Variants in EXOC2 observed in about 807,000 individuals in gnomAD.
EXOC2 encodes the protein exocyst complex component 2.
Under a neutral mutation model 131.8 loss-of-function variants are expected in EXOC2, and 70 were observed. The ratio of observed to expected loss-of-function variants is 0.53; its 90% CI spans 0.44 to 0.65. The LOEUF is 0.65. Ranked by LOEUF, EXOC2 falls within the 30% of genes least tolerant of loss-of-function variation. The pLI is 0.00. For synonymous variants in EXOC2, 411 were observed against 398.4 expected (o/e 1.03, Z -0.38); for missense variants, 923 against 1,108.6 (o/e 0.83, Z 2.38).
chr6:598,879 C>T lies in EXOC2; in HGVS notation c.951G>A (p.Glu317=), dbSNP rs764578381. 1 of 1,611,140 alleles carries T rather than the reference C, an allele frequency of 6.2e-7. No homozygotes were observed. Among genetic ancestry groups the T allele is most frequent in the South Asian group, 1.1e-5 (1 of 89,946 alleles). ...EKAKSLFGKT[E]VQVFKKYYAE... is the part of the protein sequence containing the mutation. ...TCTTACATTTCTTGAAAACTTGCAC[C>T]TCCGTTTTCCCAAAAAGTGACTTGG... Residue 317 remains glutamate, a synonymous_variant, in exon 9 of 28, where the codon GAG becomes GAA. Transcript: ENST00000230449.
At chr6:573,725 TTAA>T (rs1758421485) in intron 12 of EXOC2, among the ~76,000 whole-genome samples, 1 of 151,654 alleles carries the variant, frequency 6.6e-6, no homozygotes, top group African/African-American at 2.4e-5. Context: ...TATTAATGAT[TTAA>T]TAATTTAAAT....
intron 22 of EXOC2, among the ~76,000 whole-genome samples, chr6:544,301 G>C (rs1756713501): frequency 2.0e-5 from 3 of 152,186 alleles, no homozygotes; most frequent in Admixed American, 2.0e-4. Context: ...GTAGCACTTT[G>C]TAAATGACAA....
chr6:488,891 C>G, intron 27 of EXOC2, 88 bp downstream of exon 27: 1 of 1,369,532 alleles, frequency 7.3e-7, no homozygotes, highest in Non-Finnish European at 1.0e-6. Flanking sequence ...TCCTAGAATC[C>G]AAATCATTAT....
chr6:490,904 T>C (rs1020598940), intron 26 of EXOC2, among the ~76,000 whole-genome samples: 1 of 152,242 alleles, frequency 6.6e-6, no homozygotes, highest in African/African-American at 2.4e-5. Flanking sequence ...TGTCATACTC[T>C]GCTGTATTAT....
intron 22 of EXOC2, among the ~76,000 whole-genome samples, chr6:533,476 C>G (rs547855940): frequency 6.6e-6 from 1 of 152,060 alleles, no homozygotes; most frequent in African/African-American, 2.4e-5. Flanking sequence ...GCAGGTCAGG[C>G]CTTCGAGTCT....
intron 1 of EXOC2, among the ~76,000 whole-genome samples, chr6:666,170 C>G (rs1763636515): frequency 6.6e-6 from 1 of 152,192 alleles, no homozygotes; most frequent in Non-Finnish European, 1.5e-5. Context: ...GATGGCAAGT[C>G]AGCATCCTTT....
At chr6:604,171 C>T (rs1760266910) in intron 7 of EXOC2, among the ~76,000 whole-genome samples, 1 of 152,184 alleles carries the variant, frequency 6.6e-6, no homozygotes, top group Non-Finnish European at 1.5e-5. Context: ...ATCTCAAATT[C>T]AACATGTTGA....
chr6:531,439 T>TA (rs1179270360), intron 23 of EXOC2, among the ~76,000 whole-genome samples: 2 of 18,076 alleles, frequency 1.1e-4, no homozygotes, highest in Non-Finnish European at 1.9e-4. Context: ...ACATGAGGAA[T>TA]AAGGGCTGGC....
intron 6 of EXOC2, among the ~76,000 whole-genome samples, chr6:612,657 C>T (rs1249394485): frequency 1.3e-5 from 2 of 152,152 alleles, no homozygotes; most frequent in African/African-American, 4.8e-5. Flanking sequence ...GAATTATCTT[C>T]ATACATCAAT....
Position 592,556 on chromosome 6 carries a change from GGT to G in EXOC2, c.1103_1104del (p.Asp368AlafsTer31). On this transcript the variant is annotated frameshift_variant, in exon 11 of 28. Transcript: ENST00000230449. LOFTEE classifies it high-confidence loss of function. ...TGGGCTCCAATGCATTGCCAAGCAG[GGT>G]CACCAGACGCATGAAGGTCAGACAG... ...RYLSDLHASG[D>X]PAWQCIGAQH... 1 of 1,614,034 alleles carries G rather than the reference GGT, an allele frequency of 6.2e-7. No individual in the cohort carries two copies.
intron 25 of EXOC2, among the ~76,000 whole-genome samples, chr6:495,149 G>A (rs1476433344): frequency 2.2e-5 from 3 of 135,648 alleles, no homozygotes; most frequent in African/African-American, 8.5e-5. Flanking sequence ...TTTTTGAGAC[G>A]GAGTCTCGCT....
At chr6:532,318 A>G in intron 23 of EXOC2, 151 bp downstream of exon 23, 1 of 769,388 alleles carries the variant, frequency 1.3e-6, no homozygotes, top group South Asian at 4.3e-5. Flanking sequence ...TATCCAAGAA[A>G]TGGGTTTAAG....
chr6:526,824 G>A (rs556300879), intron 23 of EXOC2, among the ~76,000 whole-genome samples: 31 of 152,182 alleles, frequency 2.0e-4, no homozygotes, highest in African/African-American at 7.2e-4. Flanking sequence ...ATTTGAACTC[G>A]GAACCCCTAC....
At chr6:556,139 GA>G in intron 18 of EXOC2, 126 bp from the exon 19 acceptor site, 1 of 865,928 alleles carries the variant, frequency 1.2e-6, no homozygotes, top group Non-Finnish European at 1.8e-6. Context: ...CCTATAAAAG[GA>G]GGCGTGCGAA....
At chr6:575,436 G>C (rs1188000161) in intron 12 of EXOC2, among the ~76,000 whole-genome samples, 3 of 89,788 alleles carry the variant, frequency 3.3e-5, no homozygotes, top group Non-Finnish European at 2.7e-5. Flanking sequence ...AAAGAGCCTG[G>C]CATCTCCATC....
rs563826010 is a variant in EXOC2, at chr6:665,240, C to T, written c.-43-27379G>A. Reference sequence around the variant, plus strand: ...AATCAAAACCACAATGCAATAGCATCTTACTCCTACAAGAATGGCCATAAT... The same window carrying T: ...AATCAAAACCACAATGCAATAGCATTTTACTCCTACAAGAATGGCCATAAT... On this transcript the variant is annotated intron_variant, in intron 1 of 27. Transcript: ENST00000230449. Among the ~76,000 whole-genome samples the T allele has an allele frequency of 6.4e-4, 98 of 152,324 alleles. 1 individual carries two copies. Among genetic ancestry groups the T allele is most frequent in the Admixed American group, 4.9e-3 (75 of 15,302 alleles).
rs1166993623 is a variant in EXOC2 at position 489,033 on chromosome 6, C to T, written c.2627G>A (p.Ser876Asn). 8.7e-6 allele frequency: 14 copies of T among 1,613,934 alleles called. No individual in the cohort carries two copies. The highest frequency in any genetic ancestry group is 1.2e-5 in the Non-Finnish European group (14 of 1,179,900). The change falls in exon 27 of 28, where the codon AGT becomes AAT. Residue 876 changes from serine to asparagine, a missense_variant. Physicochemically the swap from Ser to Asn is conservative, Grantham distance 46 (BLOSUM62 1). Coordinates refer to ENST00000230449, the MANE Select transcript of EXOC2 (RefSeq NM_018303.6). The stretch of plus-strand genomic sequence containing the variant: ...CAGGGCTTCCAAAGCCTGCTTAAAA[C>T]TTGACCTGAAACACAAACAGCCACA... The part of the protein sequence containing the change: ...AVYLTPESKS[S>N]FKQALEALPQ...
At position 568,246 on chromosome 6, in the gene EXOC2, G is replaced by A. The variant is rs149884655; in HGVS notation, c.1444-3317C>T. ...GGCAGAACCTCTCCGGGATGTGGAT[G>A]GGCCTCGCTCAATCAGTTGAAGGCC... is the stretch of plus-strand genomic sequence containing the variant. On this transcript the variant is annotated intron_variant, in intron 13 of 27. Coordinates refer to ENST00000230449, the MANE Select transcript of EXOC2 (RefSeq NM_018303.6). Among the ~76,000 whole-genome samples, 211 of 152,332 alleles carry A rather than the reference G, an allele frequency of 1.4e-3. 1 individual carries two copies. Among genetic ancestry groups the A allele is most frequent in the Non-Finnish European group, 2.2e-3 (149 of 68,040 alleles).
chr6:493,681 A>G (rs1440098106), intron 25 of EXOC2, among the ~76,000 whole-genome samples: 1 of 152,134 alleles, frequency 6.6e-6, no homozygotes, highest in African/African-American at 2.4e-5. Context: ...TTAACCTGCT[A>G]TCCCTCTTAG....
Sources: allele counts gnomAD v4.1 joint callset (sites outside exome capture counted in the v4.1 genomes callset), GRCh38; gene constraint gnomAD v4.1.1; transcripts MANE v1.5; gene names NCBI Gene and HGNC (gene_info 2026-07-23, HGNC 2026-07-21).